Variants in ABCC4 observed in about 807,000 individuals in gnomAD.
ABCC4 encodes the protein ATP-binding cassette sub-family C member 4.
ABCC4 carries 102 observed loss-of-function variants against 168.5 expected under a neutral mutation model. That is an observed-to-expected ratio of 0.61 (90% confidence interval 0.52 to 0.71). The LOEUF (loss-of-function observed/expected upper bound fraction) is 0.71, where lower values mean the gene tolerates loss of function less well. Among genes scored for constraint, ABCC4 ranks in the 30% least tolerant of loss-of-function variants. The probability of loss-of-function intolerance (pLI) is 0.00; values close to 1 mark genes in which losing one functional copy is unlikely to be tolerated. For synonymous variants in ABCC4, 617 were observed against 590.7 expected, an observed-to-expected ratio of 1.04 and a Z score of -0.65; for missense variants, 1,402 against 1,605.8, an observed-to-expected ratio of 0.87 and a Z score of 2.17.
chr13:95,262,631 CTTT>C (rs35209572), intron 1 of ABCC4, among the ~76,000 whole-genome samples: 2 of 142,200 alleles, frequency 1.4e-5, no homozygotes, highest in Non-Finnish European at 1.5e-5. Flanking sequence ...GACACTTAGA[CTTT>C]TTTTTTTTTT....
intron 29 of ABCC4, among the ~76,000 whole-genome samples, chr13:95,039,208 G>T (rs1216946617): frequency 6.6e-6 from 1 of 152,106 alleles, no homozygotes; most frequent in African/African-American, 2.4e-5. Flanking sequence ...CATACTTACA[G>T]ATTCAGCATA....
chr13:95,222,465 C>G lies in ABCC4; in HGVS notation c.532-11684G>C, dbSNP rs541358658. Among the ~76,000 whole-genome samples, 6 of 152,304 alleles carry G rather than the reference C, an allele frequency of 3.9e-5. No individual in the cohort carries two copies. The East Asian group carries it at 1.2e-3, about 29-fold the overall frequency. ...AGGCCAGAGCTTGGGTTAGTTAAAG[C>G]CACTGGCATCTGCATGGCCCTGGAC... On this transcript the variant is annotated intron_variant, in intron 4 of 30. Transcript: ENST00000645237.
intron 1 of ABCC4, among the ~76,000 whole-genome samples, chr13:95,258,491 C>T (rs189292790): frequency 1.8e-4 from 28 of 152,276 alleles, no homozygotes; most frequent in Admixed American, 6.5e-4. Flanking sequence ...CCCTCATTGT[C>T]GATCATTTAT....
At chr13:95,113,141 C>A (rs1026516276) in intron 20 of ABCC4, among the ~76,000 whole-genome samples, 1 of 152,166 alleles carries the variant, frequency 6.6e-6, no homozygotes. Flanking sequence ...AAATGTATCA[C>A]AGAACTGAGT....
chr13:95,274,432 A>G (rs374932395), intron 1 of ABCC4, among the ~76,000 whole-genome samples: 1 of 152,184 alleles, frequency 6.6e-6, no homozygotes, highest in Non-Finnish European at 1.5e-5. Context: ...CACCCCAGGA[A>G]GCAGTATTTC....
intron 19 of ABCC4, among the ~76,000 whole-genome samples, chr13:95,159,132 T>TATATATATA (rs1486901839): frequency 4.8e-5 from 6 of 124,392 alleles, no homozygotes; most frequent in Non-Finnish European, 9.9e-5. Flanking sequence ...TATATATATA[T>TATATATATA]AACTATTGAA....
At chr13:95,153,347 T>TAGTTCCAAGTTAGCC (rs1413423311) in intron 19 of ABCC4, among the ~76,000 whole-genome samples, 2 of 152,178 alleles carry the variant, frequency 1.3e-5, no homozygotes, top group Non-Finnish European at 2.9e-5. Context: ...CCAAGTTAGC[T>TAGTTCCAAGTTAGCC]AGTTCCAAGT....
intron 9 of ABCC4, among the ~76,000 whole-genome samples, chr13:95,194,583 T>C (rs1343243635): frequency 6.6e-6 from 1 of 152,242 alleles, no homozygotes; most frequent in African/African-American, 2.4e-5. Context: ...ACATTTAGTT[T>C]AGAACGAGGT....
intron 1 of ABCC4, among the ~76,000 whole-genome samples, chr13:95,254,924 C>T (rs1806429977): frequency 1.3e-5 from 2 of 152,178 alleles, no homozygotes; most frequent in Admixed American, 1.3e-4. Context: ...ATAGAAGTCA[C>T]CCAGATTTGT....
intron 27 of ABCC4, among the ~76,000 whole-genome samples, chr13:95,047,920 A>G (rs1185596607): frequency 1.3e-5 from 2 of 152,174 alleles, no homozygotes; most frequent in East Asian, 3.8e-4. Flanking sequence ...TTTGTGCCCT[A>G]AGAGGGTAGG....
intron 5 of ABCC4, 109 bp from the exon 6 acceptor site, chr13:95,209,706 A>C: frequency 1.8e-6 from 2 of 1,092,804 alleles, no homozygotes; most frequent in Non-Finnish European, 2.5e-6. Context: ...CCTAAACAGA[A>C]ATGGCCACAG....
rs762932052 is a variant in ABCC4 at position 95,209,609 on chromosome 13, AAGAC to A, written c.622-16_622-13del. ...AAGAACACTGTCACCTTTAAAGAAA[AAGAC>A]AGAGCGTTCTTAGGACTCCAGAAAA... On this transcript the variant is annotated splice_polypyrimidine_tract_variant and intron_variant, in intron 5 of 30. Coordinates refer to ENST00000645237, the MANE Select transcript of ABCC4 (RefSeq NM_005845.5). 5.2e-5 allele frequency: 83 copies of A among 1,606,490 alleles called. 1 individual carries two copies. The highest frequency in any genetic ancestry group is 5.1e-4 in the Middle Eastern group (3 of 5,874).
At chr13:95,044,892 T>C (rs540393375) in intron 27 of ABCC4, among the ~76,000 whole-genome samples, 42 of 152,250 alleles carry the variant, frequency 2.8e-4, no homozygotes, top group Admixed American at 4.6e-4. Flanking sequence ...TAACTGTAAA[T>C]GGACACAAGG....
chr13:95,060,655 A>C (rs1210855683), intron 26 of ABCC4, among the ~76,000 whole-genome samples: 1 of 152,254 alleles, frequency 6.6e-6, no homozygotes, highest in Non-Finnish European at 1.5e-5. Context: ...GCCAGAGGGA[A>C]TCTAACGTGC....
chr13:95,102,000 T>C (rs1356963408), intron 20 of ABCC4, among the ~76,000 whole-genome samples: 2 of 152,178 alleles, frequency 1.3e-5, no homozygotes, highest in Admixed American at 6.5e-5. Flanking sequence ...ATGGAATAGG[T>C]AGAATTTTCT....
chr13:95,174,170 T>C (rs1394050044), intron 13 of ABCC4, among the ~76,000 whole-genome samples: 1 of 152,224 alleles, frequency 6.6e-6, no homozygotes, highest in Admixed American at 6.5e-5. Context: ...TGGATTAGCA[T>C]CCTTTAATCT....
chr13:95,113,753 C>A (rs2035281470), intron 20 of ABCC4, among the ~76,000 whole-genome samples: 1 of 152,014 alleles, frequency 6.6e-6, no homozygotes, highest in Non-Finnish European at 1.5e-5. Context: ...AATGCAAATC[C>A]CCGGGAGAAA....
intron 25 of ABCC4, among the ~76,000 whole-genome samples, chr13:95,068,741 A>C (rs1386177609): frequency 6.6e-6 from 1 of 152,120 alleles, no homozygotes; most frequent in Non-Finnish European, 1.5e-5. Context: ...ATGTGGGGAT[A>C]TAGGTTGTTT....
chr13:95,147,421 C>T (rs529435621), intron 19 of ABCC4, among the ~76,000 whole-genome samples: 129 of 152,170 alleles, frequency 8.5e-4, no homozygotes, highest in Non-Finnish European at 1.1e-3. Context: ...ACATATTTTG[C>T]GCAAGAGGAA....
Sources: allele counts gnomAD v4.1 joint callset (sites outside exome capture counted in the v4.1 genomes callset), GRCh38; gene constraint gnomAD v4.1.1; transcripts MANE v1.5; gene names NCBI Gene and HGNC (gene_info 2026-07-23, HGNC 2026-07-21).